ASTN2: variants seen among roughly 807,000 people sequenced by gnomAD.
The protein encoded by ASTN2 is astrotactin-2.
A neutral mutation model predicts 139.8 loss-of-function variants in ASTN2; 54 were observed. The ratio of observed to expected loss-of-function variants is 0.39; its 90% CI spans 0.31 to 0.48. The LOEUF is 0.48. Ranked by LOEUF, ASTN2 falls within the 20% of genes least tolerant of loss-of-function variation. ASTN2 has a pLI of 0.95. For missense variants in ASTN2, 1,565 were observed against 1,725.1 expected (o/e 0.91, Z 1.64); for synonymous variants, 756 against 719.5 (o/e 1.05, Z -0.81).
intron 4 of ASTN2, among the ~76,000 whole-genome samples, chr9:117,135,854 C>T (rs1365053513): frequency 9.2e-5 from 14 of 151,998 alleles, no homozygotes; most frequent in Non-Finnish European, 4.4e-5. Flanking sequence ...GATCAGCACT[C>T]GGACCTAGAA....
At chr9:116,580,945 TAGAA>T (rs779418768) in intron 19 of ASTN2, among the ~76,000 whole-genome samples, 2 of 151,562 alleles carry the variant, frequency 1.3e-5, no homozygotes, top group Non-Finnish European at 2.9e-5. Context: ...TTGAGGGTGT[TAGAA>T]GGAGACCAAC....
At chr9:117,256,141 C>A (rs766447819) in intron 2 of ASTN2, among the ~76,000 whole-genome samples, 76 of 152,204 alleles carry the variant, frequency 5.0e-4, no homozygotes, top group African/African-American at 1.7e-3. Flanking sequence ...TTTGATGATG[C>A]GGAATGGGGA....
At chr9:117,253,496 C>T (rs1442469559) in intron 2 of ASTN2, among the ~76,000 whole-genome samples, 1 of 152,154 alleles carries the variant, frequency 6.6e-6, no homozygotes, top group African/African-American at 2.4e-5. Context: ...AGGAATCCAG[C>T]AACTCTAGTG....
intron 5 of ASTN2, among the ~76,000 whole-genome samples, chr9:117,081,358 AC>A (rs1291530701): frequency 6.6e-6 from 1 of 151,736 alleles, no homozygotes; most frequent in African/African-American, 2.4e-5. Context: ...TAAGAAACAT[AC>A]CCTCAGCCCC....
chr9:116,930,484 C>T (rs1834867296), intron 10 of ASTN2, among the ~76,000 whole-genome samples: 1 of 151,556 alleles, frequency 6.6e-6, no homozygotes, highest in East Asian at 1.9e-4. Flanking sequence ...GATTGGGTAC[C>T]CAAGAACTCT....
chr9:116,767,775 C>T (rs1424967149), intron 13 of ASTN2, among the ~76,000 whole-genome samples: 3 of 152,098 alleles, frequency 2.0e-5, no homozygotes, highest in African/African-American at 7.2e-5. Flanking sequence ...GCTGAGAGCC[C>T]TCTTAACAAT....
At chr9:116,488,886 A>G (rs1364891545) in intron 19 of ASTN2, among the ~76,000 whole-genome samples, 1 of 152,196 alleles carries the variant, frequency 6.6e-6, no homozygotes, top group African/African-American at 2.4e-5. Context: ...AATTACTTAA[A>G]AATAGATAAA....
At chr9:117,139,065 T>G (rs1026306081) in intron 4 of ASTN2, among the ~76,000 whole-genome samples, 1 of 152,172 alleles carries the variant, frequency 6.6e-6, no homozygotes, top group African/African-American at 2.4e-5. Flanking sequence ...GGAAAGGCTA[T>G]AGACTTGGAG....
rs1401038208 is a variant in ASTN2 at position 117,009,470 on chromosome 9, G to T, written c.1424-1211C>A. ...GATGGCTGCATGTAAGTTGCAAATG[G>T]TGAGTGTATGCATGTATAGCAATAA... On this transcript the variant is annotated intron_variant, in intron 6 of 22. Transcript: ENST00000313400. Among the ~76,000 whole-genome samples, 3 of 152,040 alleles carry T rather than the reference G, an allele frequency of 2.0e-5. No individual in the cohort carries two copies. In the East Asian group the frequency reaches 5.8e-4, roughly 29 times the overall value.
At chr9:117,185,543 T>C (rs1487761035) in intron 3 of ASTN2, among the ~76,000 whole-genome samples, 1 of 152,216 alleles carries the variant, frequency 6.6e-6, no homozygotes. Flanking sequence ...CAGAGCTCTA[T>C]ATCTGCACAG....
At chr9:116,595,585 A>G (rs1327922794) in intron 19 of ASTN2, among the ~76,000 whole-genome samples, 2 of 152,116 alleles carry the variant, frequency 1.3e-5, no homozygotes, top group Non-Finnish European at 2.9e-5. Context: ...TCAACCTCCC[A>G]AAGTGCTGGG....
chr9:116,740,559 C>T (rs889534790), intron 13 of ASTN2, among the ~76,000 whole-genome samples: 1 of 152,046 alleles, frequency 6.6e-6, no homozygotes, highest in African/African-American at 2.4e-5. Flanking sequence ...GTCGCCCAGG[C>T]TGGAGTGCAG....
At chr9:117,259,584 C>T (rs773707966) in intron 2 of ASTN2, among the ~76,000 whole-genome samples, 1 of 152,096 alleles carries the variant, frequency 6.6e-6, no homozygotes, top group Non-Finnish European at 1.5e-5. Context: ...TCATCATAAC[C>T]CAGACATTCT....
intron 10 of ASTN2, among the ~76,000 whole-genome samples, chr9:116,886,769 T>C (rs1833608953): frequency 6.6e-6 from 1 of 152,190 alleles, no homozygotes; most frequent in Admixed American, 6.5e-5. Flanking sequence ...ACATGATAGG[T>C]ACTGCTCTAG....
intron 19 of ASTN2, among the ~76,000 whole-genome samples, chr9:116,506,326 G>T (rs1850107311): frequency 6.6e-6 from 1 of 152,186 alleles, no homozygotes; most frequent in African/African-American, 2.4e-5. Context: ...TGGATAACAG[G>T]AGTGGGACTA....
At chr9:117,229,685 C>T (rs776543847) in intron 2 of ASTN2, among the ~76,000 whole-genome samples, 6 of 152,130 alleles carry the variant, frequency 3.9e-5, no homozygotes, top group African/African-American at 7.2e-5. Context: ...GTCACACAGC[C>T]GTCTCCAACC....
At chr9:117,364,281 T>C (rs1829773784) in intron 1 of ASTN2, among the ~76,000 whole-genome samples, 1 of 152,160 alleles carries the variant, frequency 6.6e-6, no homozygotes, top group Non-Finnish European at 1.5e-5. Context: ...TTAATATCTC[T>C]ACCCAAGCAT....
At position 116,687,423 on chromosome 9, in the gene ASTN2, C is replaced by T. The variant is rs803894; in HGVS notation, c.2807-35630G>A. The stretch of plus-strand genomic sequence containing the variant: ...AGGGTTGGGGACTGGGGACCGCGGC[C>T]GGAGTCGTGGGCCGTGGCTCAGCGG... On this transcript the variant is annotated intron_variant, in intron 16 of 22. Transcript: ENST00000313400. The T allele has an allele frequency of 3.4e-3, 781 of 232,280 alleles. 6 individuals are homozygous for T. Among genetic ancestry groups the T allele is most frequent in the African/African-American group, 0.018 (747 of 41,742 alleles). 14.4% of individuals were successfully genotyped at this position (232,280 alleles called of 1,614,324 possible).
intron 20 of ASTN2, among the ~76,000 whole-genome samples, chr9:116,458,164 TG>T (rs1366534505): frequency 1.3e-5 from 2 of 151,620 alleles, no homozygotes; most frequent in African/African-American, 2.4e-5. Flanking sequence ...AAAAAAAAAT[TG>T]AACTAATCGA....
Sources: allele counts gnomAD v4.1 joint callset (sites outside exome capture counted in the v4.1 genomes callset), GRCh38; gene constraint gnomAD v4.1.1; transcripts MANE v1.5; gene names NCBI Gene and HGNC (gene_info 2026-07-23, HGNC 2026-07-21).